Variants in EYS observed in about 807,000 individuals in gnomAD.
EYS encodes protein eyes shut homolog.
In EYS, 250 loss-of-function variants were observed where a neutral mutation model predicts 282.1. That is an observed-to-expected ratio of 0.89 (90% CI 0.80 to 0.98). The LOEUF (loss-of-function observed/expected upper bound fraction) is 0.98, where lower values mean the gene tolerates loss of function less well. EYS is among the 50% of genes least tolerant of loss of function. The probability of loss-of-function intolerance (pLI) is 0.00; values close to 1 mark genes in which losing one functional copy is unlikely to be tolerated. For synonymous variants in EYS, 1,355 were observed against 1,282.9 expected (o/e 1.06, Z -1.20); for missense variants, 4,016 against 3,709.0 (o/e 1.08, Z -2.15).
chr6:64,944,956 C>G (rs1769228836), intron 15 of EYS, among the ~76,000 whole-genome samples: 1 of 151,924 alleles, frequency 6.6e-6, no homozygotes, highest in Non-Finnish European at 1.5e-5. Context: ...CTATTGTTCA[C>G]ATATTTGTTG....
At chr6:64,834,506 T>A (rs560322856) in intron 19 of EYS, among the ~76,000 whole-genome samples, 1 of 151,918 alleles carries the variant, frequency 6.6e-6, no homozygotes, top group Non-Finnish European at 1.5e-5. Context: ...GTCATAGAAG[T>A]AAAAATCCAT....
chr6:64,454,021 A>G (rs1268926701), intron 26 of EYS, among the ~76,000 whole-genome samples: 1 of 152,126 alleles, frequency 6.6e-6, no homozygotes, highest in Non-Finnish European at 1.5e-5. Flanking sequence ...AATAAAAAAA[A>G]AATTTGTTAC....
At position 64,590,601 on chromosome 6, in the gene EYS, C is replaced by T; in HGVS notation, c.5266G>A (p.Val1756Ile). Reference sequence around the variant, plus strand: ...ATTTCTGAATATGTCTTTAAAGTAACATCCGGATAAATTTGTAAGTTTAAC... The same window carrying T: ...ATTTCTGAATATGTCTTTAAAGTAATATCCGGATAAATTTGTAAGTTTAAC... ...FELNLQIYPD[V>I]TLKTYSEITH... Residue 1756 changes from valine to isoleucine, a missense_variant, in exon 26 of 43, where the codon GTT becomes ATT. Coordinates refer to ENST00000503581, the MANE Select transcript of EYS (RefSeq NM_001142800.2). 1.0e-5 allele frequency: 16 copies of T among 1,551,318 alleles called. No homozygotes were observed. Among genetic ancestry groups the T allele is most frequent in the Non-Finnish European group, 1.3e-5 (15 of 1,146,748 alleles).
At chr6:65,624,926 G>A (rs1441891919) in intron 2 of EYS, among the ~76,000 whole-genome samples, 2 of 152,120 alleles carry the variant, frequency 1.3e-5, no homozygotes, top group Non-Finnish European at 1.5e-5. Context: ...ACGTCACCTT[G>A]TGATCGTGTG....
chr6:63,882,402 T>C (rs181821497), intron 35 of EYS, among the ~76,000 whole-genome samples: 16 of 152,224 alleles, frequency 1.1e-4, no homozygotes, highest in Non-Finnish European at 1.0e-4. Flanking sequence ...TGTTGTTCCA[T>C]AAGCCTCCAT....
At chr6:63,994,823 T>C (rs912993903) in intron 34 of EYS, among the ~76,000 whole-genome samples, 2 of 151,970 alleles carry the variant, frequency 1.3e-5, no homozygotes, top group South Asian at 4.1e-4. Context: ...GCAAGGATTT[T>C]GAAAATTGAA....
chr6:63,789,013 C>T, intron 38 of EYS, 45 bp downstream of exon 38: 1 of 1,533,524 alleles, frequency 6.5e-7, no homozygotes, highest in Non-Finnish European at 8.8e-7. Context: ...TGACAATATA[C>T]TAGTGCTCTC....
chr6:65,096,084 C>T (rs1369440265), intron 12 of EYS, among the ~76,000 whole-genome samples: 2 of 150,808 alleles, frequency 1.3e-5, no homozygotes, highest in Non-Finnish European at 3.0e-5. Context: ...AAATGATAAA[C>T]AAATTTGGTA....
At chr6:64,939,489 T>C (rs1769017923) in intron 15 of EYS, among the ~76,000 whole-genome samples, 1 of 151,958 alleles carries the variant, frequency 6.6e-6, no homozygotes, top group Non-Finnish European at 1.5e-5. Context: ...TTAAGCCTTG[T>C]AGATGTTGCT....
chr6:65,072,809 T>G (rs1773937880), intron 12 of EYS, among the ~76,000 whole-genome samples: 1 of 151,210 alleles, frequency 6.6e-6, no homozygotes, highest in South Asian at 2.1e-4. Flanking sequence ...AAGATAATTA[T>G]TTGAAAAAAA....
intron 22 of EYS, among the ~76,000 whole-genome samples, chr6:64,705,059 A>G (rs753350916): frequency 1.2e-4 from 19 of 152,226 alleles, no homozygotes; most frequent in South Asian, 1.0e-3. Context: ...TGATATGATC[A>G]AACGTTTACC....
intron 26 of EYS, among the ~76,000 whole-genome samples, chr6:64,485,657 C>T (rs1776560667): frequency 6.6e-6 from 1 of 151,366 alleles, no homozygotes; most frequent in African/African-American, 2.4e-5. Context: ...AAAATCCTCT[C>T]AATGATTATA....
chr6:64,365,202 G>A (rs889823593), intron 29 of EYS, among the ~76,000 whole-genome samples: 1 of 151,926 alleles, frequency 6.6e-6, no homozygotes, highest in East Asian at 1.9e-4. Context: ...ATGAGCTACT[G>A]GCTAGCAAAT....
At chr6:65,250,170 AC>A (rs1232400559) in intron 12 of EYS, among the ~76,000 whole-genome samples, 11 of 152,176 alleles carry the variant, frequency 7.2e-5, no homozygotes, top group Non-Finnish European at 1.5e-4. Flanking sequence ...GGATGATGAT[AC>A]CATAGTTGCT....
intron 35 of EYS, among the ~76,000 whole-genome samples, chr6:63,944,972 A>G (rs1765352934): frequency 6.6e-6 from 1 of 152,164 alleles, no homozygotes; most frequent in South Asian, 2.1e-4. Context: ...AAGTATATTT[A>G]CACATCAAAA....
intron 13 of EYS, among the ~76,000 whole-genome samples, chr6:65,007,352 T>C: frequency 6.6e-6 from 1 of 152,206 alleles, no homozygotes; most frequent in Non-Finnish European, 1.5e-5. Flanking sequence ...TTAAGACCAA[T>C]TTGACCCTCA....
At chr6:64,664,368 T>C (rs966495427) in intron 22 of EYS, among the ~76,000 whole-genome samples, 3 of 152,152 alleles carry the variant, frequency 2.0e-5, no homozygotes, top group African/African-American at 7.2e-5. Flanking sequence ...TGGTTGGGTG[T>C]GAGCTGAGTT....
At chr6:64,448,886 TA>T (rs1487306311) in intron 26 of EYS, among the ~76,000 whole-genome samples, 1 of 151,978 alleles carries the variant, frequency 6.6e-6, no homozygotes, top group Non-Finnish European at 1.5e-5. Flanking sequence ...CAGAGGTAGA[TA>T]AAACCACAAA....
chr6:63,956,795 T>C (rs935278082), intron 35 of EYS, among the ~76,000 whole-genome samples: 1 of 152,172 alleles, frequency 6.6e-6, no homozygotes, highest in African/African-American at 2.4e-5. Flanking sequence ...ATGTGCAAGT[T>C]AGCCAGCACT....
Sources: allele counts gnomAD v4.1 joint callset (sites outside exome capture counted in the v4.1 genomes callset), GRCh38; gene constraint gnomAD v4.1.1; transcripts MANE v1.5; gene names NCBI Gene and HGNC (gene_info 2026-07-23, HGNC 2026-07-21).